The following SLC35D4 variants were observed in gnomAD, a reference collection of about 807,000 sequenced individuals.
The protein encoded by SLC35D4 is UDP-N-acetylglucosamine transporter SLC35D4.
the SLC35D4 span, among the ~76,000 whole-genome samples, chr18:23,301,386 C>T: frequency 0.05 from 7,568 of 152,192 alleles, 233 homozygotes; most frequent in East Asian, 0.1. Context: ...GATGGGGGGA[C>T]GTTTTCTTTG....
chr18:23,379,705 A>G, the SLC35D4 span, among the ~76,000 whole-genome samples: 2 of 152,178 alleles, frequency 1.3e-5, no homozygotes, highest in Non-Finnish European at 2.9e-5. Flanking sequence ...CATGGCAGTC[A>G]TTTTCCTTTT....
At chr18:23,239,268 A>G in the SLC35D4 span, among the ~76,000 whole-genome samples, 1 of 152,048 alleles carries the variant, frequency 6.6e-6, no homozygotes, top group Non-Finnish European at 1.5e-5. Flanking sequence ...TTTTAATTTC[A>G]CTGCATTGGC....
chr18:23,407,131 G>A, the SLC35D4 span, among the ~76,000 whole-genome samples: 2 of 152,160 alleles, frequency 1.3e-5, 1 homozygote, highest in South Asian at 4.1e-4. Flanking sequence ...TTTTAATGTG[G>A]TCAGGCAAAA....
At chr18:23,325,547 C>T in the SLC35D4 span, among the ~76,000 whole-genome samples, 1 of 152,118 alleles carries the variant, frequency 6.6e-6, no homozygotes, top group African/African-American at 2.4e-5. Context: ...CAAACCAATG[C>T]TTGGGAGAAG....
At chr18:23,318,092 T>C in the SLC35D4 span, among the ~76,000 whole-genome samples, 2 of 152,320 alleles carry the variant, frequency 1.3e-5, no homozygotes, top group South Asian at 2.1e-4. Flanking sequence ...TTCCAATTTC[T>C]TCACATCCTG....
chr18:23,382,239 C>CAAAAA, the SLC35D4 span, among the ~76,000 whole-genome samples: 13 of 75,388 alleles, frequency 1.7e-4, no homozygotes, highest in Non-Finnish European at 2.5e-4. Flanking sequence ...GACTCAGTCT[C>CAAAAA]AAAAAAAAAA....
chr18:23,408,198 G>A, the SLC35D4 span, among the ~76,000 whole-genome samples: 1 of 150,518 alleles, frequency 6.6e-6, no homozygotes, highest in Admixed American at 6.6e-5. Flanking sequence ...CTCTTACCTG[G>A]CTATATTCTC....
chr18:23,425,318 C>T, the SLC35D4 span, among the ~76,000 whole-genome samples: 2 of 152,138 alleles, frequency 1.3e-5, no homozygotes, highest in Non-Finnish European at 2.9e-5. Context: ...CCAAGCTGGT[C>T]TCAAACTCCT....
the SLC35D4 span, among the ~76,000 whole-genome samples, chr18:23,290,274 C>A: frequency 6.6e-6 from 1 of 152,234 alleles, no homozygotes; most frequent in Non-Finnish European, 1.5e-5. Context: ...CTTAGAGCAT[C>A]CCAGAGCCAG....
chr18:23,303,665 C>T, the SLC35D4 span, among the ~76,000 whole-genome samples: 2 of 152,234 alleles, frequency 1.3e-5, no homozygotes, highest in African/African-American at 4.8e-5. Context: ...CTTTGGGAGG[C>T]TGAGGTGGGC....
At chr18:23,246,968 C>T in the SLC35D4 span, among the ~76,000 whole-genome samples, 4 of 152,224 alleles carry the variant, frequency 2.6e-5, no homozygotes, top group African/African-American at 7.2e-5. Flanking sequence ...GCTGGGGTTA[C>T]AGGTAAGAGC....
the SLC35D4 span, among the ~76,000 whole-genome samples, chr18:23,322,801 A>C: frequency 1.3e-5 from 2 of 152,228 alleles, no homozygotes; most frequent in Non-Finnish European, 2.9e-5. Context: ...TAGAACACCC[A>C]ATTGTAGAAG....
the SLC35D4 span, among the ~76,000 whole-genome samples, chr18:23,328,020 C>T: frequency 6.6e-6 from 1 of 152,162 alleles, no homozygotes; most frequent in African/African-American, 2.4e-5. Flanking sequence ...ATGCTAAAAA[C>T]TCTCAATAAA....
the SLC35D4 span, among the ~76,000 whole-genome samples, chr18:23,383,143 G>C: frequency 6.6e-6 from 1 of 152,120 alleles, no homozygotes; most frequent in African/African-American, 2.4e-5. Context: ...GCAAGCCCCA[G>C]GGCTCTGCAG....
At chr18:23,344,600 C>CT in the SLC35D4 span, among the ~76,000 whole-genome samples, 62 of 126,070 alleles carry the variant, frequency 4.9e-4, no homozygotes, top group Non-Finnish European at 5.6e-4. Flanking sequence ...TTTTTTTCTT[C>CT]TTTTTTTTTT....
the SLC35D4 span, chr18:23,430,564 A>G: frequency 2.2e-6 from 3 of 1,354,852 alleles, no homozygotes; most frequent in Non-Finnish European, 3.1e-6. Context: ...TATTAAAACT[A>G]TTTCAAAGAA....
At chr18:23,274,547 C>T in the SLC35D4 span, among the ~76,000 whole-genome samples, 1 of 152,204 alleles carries the variant, frequency 6.6e-6, no homozygotes, top group East Asian at 1.9e-4. Context: ...CCATCCCCAG[C>T]CATCACATAC....
At chr18:23,243,274 A>G in the SLC35D4 span, among the ~76,000 whole-genome samples, 1 of 151,920 alleles carries the variant, frequency 6.6e-6, no homozygotes, top group South Asian at 2.1e-4. Flanking sequence ...ACATCACATT[A>G]GAAGCACAGT....
the SLC35D4 span, among the ~76,000 whole-genome samples, chr18:23,404,088 A>G: frequency 1.3e-5 from 2 of 152,194 alleles, no homozygotes; most frequent in Admixed American, 6.5e-5. Context: ...ACTGCACTCC[A>G]GCCTGGCGAT....
Sources: gnomAD v4.1 joint callset for allele counts (sites outside exome capture counted in the v4.1 genomes callset) on GRCh38, gnomAD v4.1.1 for gene constraint, MANE v1.5 for transcripts, NCBI Gene and HGNC (gene_info 2026-07-23, HGNC 2026-07-21) for gene names.